Variants in AK9 observed in about 807,000 individuals in gnomAD.
AK9 encodes the protein adenylate kinase 9.
AK9 carries 191 observed loss-of-function variants against 239.6 expected under a neutral mutation model. The ratio of observed to expected loss-of-function variants is 0.80; its 90% CI spans 0.71 to 0.90. AK9 has a LOEUF of 0.90. Ranked by LOEUF, AK9 falls within the 40% of genes least tolerant of loss-of-function variation. The pLI is 0.00. For missense variants in AK9, 1,995 were observed against 2,214.7 expected (o/e 0.90, Z 1.99); for synonymous variants, 689 against 721.0 (o/e 0.96, Z 0.71).
At chr6:109,650,113 A>T (rs2128301337) in intron 8 of AK9, among the ~76,000 whole-genome samples, 1 of 152,358 alleles carries the variant, frequency 6.6e-6, no homozygotes, top group East Asian at 1.9e-4. Context: ...TAAATGTTAG[A>T]CCTAAAACCA....
intron 29 of AK9, among the ~76,000 whole-genome samples, chr6:109,524,847 A>C (rs1437545817): frequency 1.3e-5 from 2 of 152,166 alleles, no homozygotes; most frequent in Non-Finnish European, 2.9e-5. Context: ...GACAGTTCTA[A>C]GGTTTTTACA....
intron 12 of AK9, among the ~76,000 whole-genome samples, chr6:109,624,927 T>A (rs1795334113): frequency 6.6e-6 from 1 of 152,146 alleles, no homozygotes; most frequent in Non-Finnish European, 1.5e-5. Flanking sequence ...TAACTTTAAT[T>A]TCTATCTTTT....
At chr6:109,642,589 C>T (rs561670337) in intron 9 of AK9, among the ~76,000 whole-genome samples, 13 of 152,228 alleles carry the variant, frequency 8.5e-5, no homozygotes, top group African/African-American at 2.9e-4. Flanking sequence ...GGAGCTTCTG[C>T]CCTCTACCTT....
At chr6:109,495,203 G>T in intron 39 of AK9, 135 bp downstream of exon 39, 3 of 684,378 alleles carry the variant, frequency 4.4e-6, no homozygotes, top group Non-Finnish European at 7.1e-6. Flanking sequence ...AAACAAAATA[G>T]GCTGAGAGAA....
At chr6:109,655,258 G>T (rs1029501114) in intron 8 of AK9, among the ~76,000 whole-genome samples, 3 of 152,106 alleles carry the variant, frequency 2.0e-5, no homozygotes, top group African/African-American at 7.2e-5. Flanking sequence ...TCATGGAAAT[G>T]ATATTTCATT....
intron 26 of AK9, 103 bp from the exon 27 acceptor site, chr6:109,542,274 G>T: frequency 8.8e-7 from 1 of 1,131,456 alleles, no homozygotes; most frequent in Non-Finnish European, 1.2e-6. Flanking sequence ...CCTCATGGAG[G>T]TGGAGAGTAG....
chr6:109,538,757 C>A (rs2128143274), intron 27 of AK9, among the ~76,000 whole-genome samples: 1 of 152,188 alleles, frequency 6.6e-6, no homozygotes, highest in Middle Eastern at 3.4e-3. Context: ...TGTTCCTTTC[C>A]ATGTTTAGTG....
At chr6:109,577,820 C>A (rs940970316) in intron 20 of AK9, among the ~76,000 whole-genome samples, 1 of 151,712 alleles carries the variant, frequency 6.6e-6, no homozygotes, top group Non-Finnish European at 1.5e-5. Context: ...GTGGTATTGG[C>A]TGTAATATCT....
At chr6:109,565,803 A>G (rs1199016751) in intron 21 of AK9, among the ~76,000 whole-genome samples, 1 of 151,974 alleles carries the variant, frequency 6.6e-6, no homozygotes, top group African/African-American at 2.4e-5. Context: ...GTATGTATAT[A>G]CACACACACA....
rs57475668 is a variant in AK9 at position 109,636,750 on chromosome 6, T to TCACACACACACACACACACACACA, written c.934-3451_934-3428dup. The stretch of plus-strand genomic sequence containing the variant: ...CTCTTTAAGGTTGAATAATATTCCA[T>TCACACACACACACACACACACACA]CACACACACACACACACACACACAC... On this transcript the variant is annotated intron_variant, in intron 10 of 40. Coordinates refer to ENST00000424296, the MANE Select transcript of AK9 (RefSeq NM_001145128.3). Among the ~76,000 whole-genome samples, 137 of 135,570 alleles carry TCACACACACACACACACACACACA rather than the reference T, an allele frequency of 1.0e-3. 3 individuals carry two copies. The highest frequency in any genetic ancestry group is 7.3e-3 in the East Asian group (32 of 4,380). 88.9% of individuals were successfully genotyped at this position (135,570 alleles called of 152,430 possible).
At chr6:109,528,959 C>A in intron 29 of AK9, 52 bp downstream of exon 29, 1 of 1,589,204 alleles carries the variant, frequency 6.3e-7, no homozygotes. Context: ...TGTACCCTGC[C>A]CTGGGCAACA....
At chr6:109,553,235 G>A (rs1057284526) in intron 24 of AK9, among the ~76,000 whole-genome samples, 8 of 152,030 alleles carry the variant, frequency 5.3e-5, no homozygotes, top group African/African-American at 1.2e-4. Context: ...TTCTAATTCC[G>A]TGAAAATGTC....
intron 17 of AK9, among the ~76,000 whole-genome samples, chr6:109,602,569 G>A (rs1478551922): frequency 8.6e-5 from 13 of 152,010 alleles, no homozygotes; most frequent in Admixed American, 7.9e-4. Context: ...TGCTCTTCTC[G>A]AGGAGTATCT....
At chr6:109,652,302 A>G (rs13199109) in intron 8 of AK9, among the ~76,000 whole-genome samples, 52,632 of 152,094 alleles carry the variant, frequency 0.35, 9,577 homozygotes, top group South Asian at 0.44. Context: ...AAAGACAAAA[A>G]CCACATGATT....
chr6:109,670,254 G>A (rs752895705), intron 5 of AK9, among the ~76,000 whole-genome samples: 1 of 152,164 alleles, frequency 6.6e-6, no homozygotes, highest in Non-Finnish European at 1.5e-5. Flanking sequence ...AAATCTAGTA[G>A]ATGATATCAA....
At chr6:109,599,856 T>C (rs1328182803) in intron 17 of AK9, among the ~76,000 whole-genome samples, 1 of 152,216 alleles carries the variant, frequency 6.6e-6, no homozygotes, top group Non-Finnish European at 1.5e-5. Context: ...GGGAGTTCAC[T>C]CATGATTTGG....
intron 6 of AK9, among the ~76,000 whole-genome samples, chr6:109,661,262 G>A (rs918546228): frequency 5.3e-5 from 8 of 152,128 alleles, no homozygotes; most frequent in African/African-American, 1.9e-4. Flanking sequence ...ACTACATTAA[G>A]CAGTCTCTTA....
chr6:109,607,447 G>A (rs899986601), intron 17 of AK9, among the ~76,000 whole-genome samples: 13 of 152,046 alleles, frequency 8.6e-5, no homozygotes, highest in African/African-American at 3.1e-4. Context: ...ACAATATAGT[G>A]TAAACAACTA....
intron 24 of AK9, among the ~76,000 whole-genome samples, chr6:109,553,930 A>C (rs1329798680): frequency 2.0e-5 from 3 of 152,168 alleles, no homozygotes; most frequent in Non-Finnish European, 4.4e-5. Context: ...AATTTTATCA[A>C]AGGCCTTTTC....
Sources: gnomAD v4.1 joint callset for allele counts (sites outside exome capture counted in the v4.1 genomes callset) on GRCh38, gnomAD v4.1.1 for gene constraint, MANE v1.5 for transcripts, NCBI Gene and HGNC (gene_info 2026-07-23, HGNC 2026-07-21) for gene names.